TENM3: variants seen among roughly 807,000 people sequenced by gnomAD.
TENM3 encodes the protein teneurin transmembrane protein 3.
In TENM3, 63 loss-of-function variants were observed where a neutral mutation model predicts 255.1. That is an observed-to-expected ratio of 0.25 (90% CI 0.20 to 0.30). The LOEUF is 0.30. Among genes scored for constraint, TENM3 ranks in the 10% least tolerant of loss-of-function variants. The pLI is 1.00. For missense variants in TENM3, 2,929 were observed against 3,461.1 expected (o/e 0.85, Z 3.86); for synonymous variants, 1,306 against 1,322.3 (o/e 0.99, Z 0.27).
At chr4:181,917,835 T>C in the TENM3 span, among the ~76,000 whole-genome samples, 2 of 151,738 alleles carry the variant, frequency 1.3e-5, no homozygotes, top group Non-Finnish European at 2.9e-5. Context: ...CTAATTTTTG[T>C]GTTTTTAGTA....
At chr4:181,807,264 C>T in the TENM3 span, among the ~76,000 whole-genome samples, 1 of 152,182 alleles carries the variant, frequency 6.6e-6, no homozygotes, top group Non-Finnish European at 1.5e-5. Context: ...GCGTATCTTC[C>T]ATAAATATGG....
At chr4:181,568,933 G>C in the TENM3 span, among the ~76,000 whole-genome samples, 3,947 of 152,288 alleles carry the variant, frequency 0.026, 152 homozygotes, top group African/African-American at 0.087. Context: ...ATTATTGTCT[G>C]TTCTGTTACG....
the TENM3 span, among the ~76,000 whole-genome samples, chr4:181,450,679 C>A: frequency 6.6e-6 from 1 of 152,196 alleles, no homozygotes; most frequent in Non-Finnish European, 1.5e-5. Context: ...CATGTTTTGA[C>A]AACCTTCCTC....
intron 6 of TENM3, among the ~76,000 whole-genome samples, chr4:182,657,185 C>A (rs1753828102): frequency 1.3e-5 from 2 of 152,194 alleles, no homozygotes; most frequent in South Asian, 4.1e-4. Flanking sequence ...CTTTGAGCTT[C>A]AATTTCTTCA....
intron 1 of TENM3, among the ~76,000 whole-genome samples, chr4:182,274,341 C>T (rs1320006283): frequency 6.6e-6 from 1 of 152,232 alleles, no homozygotes; most frequent in African/African-American, 2.4e-5. Flanking sequence ...GGAAGCCCTC[C>T]CCAGAGAGGA....
the TENM3 span, among the ~76,000 whole-genome samples, chr4:181,803,221 C>T: frequency 1.5e-3 from 231 of 152,300 alleles, no homozygotes; most frequent in African/African-American, 5.1e-3. Flanking sequence ...CAGTGACAAC[C>T]CAACTCCCCC....
At chr4:181,930,245 A>G in the TENM3 span, among the ~76,000 whole-genome samples, 3 of 152,178 alleles carry the variant, frequency 2.0e-5, no homozygotes, top group African/African-American at 7.2e-5. Context: ...TTTTGAAAAT[A>G]TTAACAAAAT....
chr4:181,660,609 G>A, the TENM3 span, among the ~76,000 whole-genome samples: 1 of 152,134 alleles, frequency 6.6e-6, no homozygotes, highest in Non-Finnish European at 1.5e-5. Context: ...AGAAAATAAA[G>A]CAGCTAATTG....
At chr4:182,645,365 G>C (rs1389450106) in intron 5 of TENM3, among the ~76,000 whole-genome samples, 1 of 152,086 alleles carries the variant, frequency 6.6e-6, no homozygotes, top group Non-Finnish European at 1.5e-5. Flanking sequence ...ATTGGAAGTT[G>C]ATATTATAAA....
intron 1 of TENM3, among the ~76,000 whole-genome samples, chr4:182,248,552 G>A (rs954211326): frequency 2.6e-5 from 4 of 152,112 alleles, no homozygotes; most frequent in African/African-American, 9.7e-5. Flanking sequence ...TTAAGTAGAT[G>A]GTTAAATATA....
upstream of TENM3, among the ~76,000 whole-genome samples, chr4:182,241,514 C>CTTTCTTTCT (rs1394089313): frequency 1.9e-5 from 2 of 102,626 alleles, no homozygotes; most frequent in African/African-American, 1.0e-4. Flanking sequence ...TTTCTTTTTT[C>CTTTCTTTCT]TTTCTTTTTT....
At chr4:182,415,346 G>A (rs1196337995) in intron 3 of TENM3, among the ~76,000 whole-genome samples, 6 of 152,186 alleles carry the variant, frequency 3.9e-5, no homozygotes, top group Non-Finnish European at 1.5e-5. Context: ...AAGGAAGTCA[G>A]TTTGACTTTC....
At chr4:181,987,738 C>CA in the TENM3 span, among the ~76,000 whole-genome samples, 3 of 151,820 alleles carry the variant, frequency 2.0e-5, no homozygotes, top group African/African-American at 4.8e-5. Flanking sequence ...CAGTACTGAA[C>CA]AAAAAAATAG....
intron 1 of TENM3, among the ~76,000 whole-genome samples, chr4:182,179,243 G>A (rs772033184): frequency 6.6e-6 from 1 of 152,176 alleles, no homozygotes; most frequent in Non-Finnish European, 1.5e-5. Flanking sequence ...AGCACCCCAG[G>A]CTTTGGATTA....
chr4:181,819,507 T>C, the TENM3 span, among the ~76,000 whole-genome samples: 1 of 152,156 alleles, frequency 6.6e-6, no homozygotes, highest in African/African-American at 2.4e-5. Flanking sequence ...TCGGGATTGT[T>C]CGTAATTTTC....
the TENM3 span, among the ~76,000 whole-genome samples, chr4:181,812,945 C>T: frequency 6.6e-6 from 1 of 152,198 alleles, no homozygotes; most frequent in Non-Finnish European, 1.5e-5. Flanking sequence ...CCTCCTGAGG[C>T]ACCCAGCCAA....
Position 182,799,008 on chromosome 4 carries a change from A to T in TENM3, c.7345-588A>T, listed in dbSNP as rs1482814166. On this transcript the variant is annotated intron_variant, in intron 27 of 27. Coordinates refer to ENST00000511685, the MANE Select transcript of TENM3 (RefSeq NM_001080477.4). This position sits in a 1 kb window ranked among gnomAD's most constrained non-coding sequence, Gnocchi z 4.2. The stretch of plus-strand genomic sequence containing the variant: ...AATAATTGTTTTCCTAAAGTAACAA[A>T]TATCGTCTCCAGCTGCCCCACCTTC... 6.6e-6 allele frequency among the ~76,000 whole-genome samples: 1 copy of T among 152,218 alleles called. No individual in the cohort carries two copies. Among genetic ancestry groups the T allele is most frequent in the East Asian group, 1.9e-4 (1 of 5,196 alleles).
At chr4:181,496,386 A>T in the TENM3 span, among the ~76,000 whole-genome samples, 13,615 of 151,964 alleles carry the variant, frequency 0.09, 564 homozygotes, top group South Asian at 0.2. Flanking sequence ...TTGATGTTTT[A>T]TTCTGAACAT....
chr4:181,631,986 T>G, the TENM3 span, among the ~76,000 whole-genome samples: 7 of 152,334 alleles, frequency 4.6e-5, no homozygotes, highest in East Asian at 1.4e-3. Flanking sequence ...ATGAGTTTTT[T>G]AGAGTAAGAT....
Sources: gnomAD v4.1 joint callset for allele counts (sites outside exome capture counted in the v4.1 genomes callset) on GRCh38, gnomAD v4.1.1 for gene constraint, Gnocchi (gnomAD v3.1) non-coding constraint, MANE v1.5 for transcripts, NCBI Gene and HGNC (gene_info 2026-07-23, HGNC 2026-07-21) for gene names.